Variants in CROCC observed in about 807,000 individuals in gnomAD.
CROCC encodes the protein ciliary rootlet coiled-coil, rootletin, also known as rootletin.
A neutral mutation model predicts 245.2 loss-of-function variants in CROCC; 180 were observed. The observed-to-expected ratio is 0.73, with a 90% confidence interval of 0.65 to 0.83. The LOEUF is 0.83. CROCC is among the 40% of genes least tolerant of loss of function. The pLI is 0.00. For missense variants in CROCC, 2,688 were observed against 2,779.4 expected (o/e 0.97, Z 0.74); for synonymous variants, 1,205 against 1,241.6 (o/e 0.97, Z 0.62).
chr1:16,966,879 G>T lies in CROCC; in HGVS notation c.4860+308G>T, dbSNP rs553537713. 6.6e-6 allele frequency among the ~76,000 whole-genome samples: 1 copy of T among 152,174 alleles called. No individual in the cohort carries two copies. Among genetic ancestry groups the T allele is most frequent in the Admixed American group, 6.5e-5 (1 of 15,268 alleles). On this transcript the variant is annotated intron_variant, in intron 30 of 36. Coordinates refer to ENST00000375541, the MANE Select transcript of CROCC (RefSeq NM_014675.5). The surrounding 1 kb of genome is among the most constrained non-coding windows in gnomAD (Gnocchi z 4.8). Reference sequence around the variant, plus strand: ...GTTTGAGACCAGCCTGGGCAACATGGTGAAACCCCGTCTCTATGAAAAATA... The same window carrying T: ...GTTTGAGACCAGCCTGGGCAACATGTTGAAACCCCGTCTCTATGAAAAATA...
intron 19 of CROCC, among the ~76,000 whole-genome samples, chr1:16,950,065 A>G (rs2076133323): frequency 1.4e-5 from 2 of 141,732 alleles, no homozygotes; most frequent in East Asian, 2.2e-4. Flanking sequence ...CATCACGCCC[A>G]GCCTGTTTGT....
In CROCC at chr1:16,966,166, C is replaced by T; in HGVS notation, c.4696+47C>T. 1.3e-6 allele frequency: 2 copies of T among 1,571,588 alleles called. No homozygotes were observed. Among genetic ancestry groups the T allele is most frequent in the Non-Finnish European group, 1.7e-6 (2 of 1,153,174 alleles). On this transcript the variant is annotated intron_variant, in intron 29 of 36. Transcript: ENST00000375541. This position sits in a 1 kb window ranked among gnomAD's most constrained non-coding sequence, Gnocchi z 4.8. The stretch of plus-strand genomic sequence containing the variant: ...CCTGTTCTCTCTCCTGTGTTTTGGG[C>T]AGTTGAGGCAGGAGCCGGGGGATTG...
At chr1:16,971,742 C>A in intron 36 of CROCC, 95 bp downstream of exon 36, 1 of 1,227,340 alleles carries the variant, frequency 8.1e-7, no homozygotes, top group Non-Finnish European at 1.1e-6. Context: ...TATAGGCAGT[C>A]GATGGCTCCC....
rs1409830797 is a variant in CROCC, at chr1:16,948,892, G to C, written c.2802G>C (p.Gly934=). 5 of 1,611,408 alleles carry C rather than the reference G, an allele frequency of 3.1e-6. No individual in the cohort carries two copies. In the African/African-American group the frequency reaches 6.7e-5, roughly 22 times the overall value. ...GCCGGGAGCAGCTGGAAGCCGAGGG[G>C]CAGGCCCTGCTGCTGGCCAAGGAGA... The part of the protein sequence containing the change: ...EARREQLEAE[G]QALLLAKETL... The change falls in exon 19 of 37, where the codon GGG becomes GGC. Residue 934 remains glycine (G), a synonymous_variant. Coordinates refer to ENST00000375541, the MANE Select transcript of CROCC (RefSeq NM_014675.5).
intron 30 of CROCC, among the ~76,000 whole-genome samples, chr1:16,967,396 CG>C (rs1557642899): frequency 6.6e-6 from 1 of 152,196 alleles, no homozygotes; most frequent in Non-Finnish European, 1.5e-5. Flanking sequence ...CCACCACCCC[CG>C]CCCCCAAGGC....
At chr1:16,940,202 C>A in intron 13 of CROCC, 109 bp downstream of exon 13, 2 of 1,145,798 alleles carry the variant, frequency 1.7e-6, no homozygotes, top group Non-Finnish European at 2.5e-6. Context: ...TCGCCACTAG[C>A]TGCATGTGCC....
At chr1:16,926,149 C>T (rs183581941) in intron 3 of CROCC, among the ~76,000 whole-genome samples, 32 of 152,346 alleles carry the variant, frequency 2.1e-4, no homozygotes, top group African/African-American at 5.8e-4. Flanking sequence ...CCAAATGGCA[C>T]GCAGAGGGCG....
At chr1:16,926,896 C>T (rs552335551) in intron 3 of CROCC, among the ~76,000 whole-genome samples, 1 of 152,278 alleles carries the variant, frequency 6.6e-6, no homozygotes, top group Non-Finnish European at 1.5e-5. Flanking sequence ...TTTTGAATTG[C>T]AAGTAAAATT....
In CROCC at chr1:16,965,926, C is replaced by G. The variant is rs543668647; in HGVS notation, c.4575+34C>G. On this transcript the variant is annotated intron_variant, in intron 28 of 36. Coordinates refer to ENST00000375541, the MANE Select transcript of CROCC (RefSeq NM_014675.5). ...GGGTGTGCATGGCTGGATGGGGAAC[C>G]TGGAGGGCCCTGGGGAGGTTGCAGG... The G allele has an allele frequency of 1.9e-5, 30 of 1,605,306 alleles. No homozygotes were observed. In the African/African-American group the frequency reaches 3.3e-4, roughly 18 times the overall value.
At chr1:16,948,304 G>A in intron 17 of CROCC, 27 bp from the exon 18 acceptor site, 2 of 1,534,122 alleles carry the variant, frequency 1.3e-6, no homozygotes. Context: ...CGCTGGGAGT[G>A]CTACTCAGTC....
At chr1:16,950,815 T>A (rs1359573832) in intron 19 of CROCC, 138 bp from the exon 20 acceptor site, 1 of 671,096 alleles carries the variant, frequency 1.5e-6, no homozygotes, top group African/African-American at 1.9e-5. Flanking sequence ...GCAAGCCACT[T>A]CAAGAGGACC....
chr1:16,943,989 G>C, intron 13 of CROCC, 111 bp from the exon 14 acceptor site: 1 of 1,162,378 alleles, frequency 8.6e-7, no homozygotes, highest in Non-Finnish European at 1.2e-6. Context: ...CTGGAGGCAG[G>C]TGCCTTGGAA....
intron 3 of CROCC, among the ~76,000 whole-genome samples, chr1:16,928,079 G>A (rs1460666987): frequency 3.3e-5 from 5 of 152,294 alleles, no homozygotes; most frequent in South Asian, 4.1e-4. Flanking sequence ...CGAGATGAGC[G>A]TGGGTGAGAG....
intron 36 of CROCC, among the ~76,000 whole-genome samples, chr1:16,971,884 C>T (rs998907232): frequency 6.6e-6 from 1 of 152,202 alleles, no homozygotes; most frequent in Non-Finnish European, 1.5e-5. Context: ...GGGTAGCCTT[C>T]TCCCTGGGTG....
intron 17 of CROCC, among the ~76,000 whole-genome samples, chr1:16,947,555 G>A (rs1257910337): frequency 1.3e-5 from 2 of 152,166 alleles, no homozygotes; most frequent in African/African-American, 4.8e-5. Context: ...TTAGACTTTT[G>A]GGAACATCAC....
chr1:16,960,727 T>C, intron 26 of CROCC, 31 bp from the exon 27 acceptor site: 2 of 1,474,452 alleles, frequency 1.4e-6, no homozygotes, highest in Non-Finnish European at 1.8e-6. Context: ...GGAGAGGTCT[T>C]GCCGACCTCC....
At chr1:16,946,441 C>A in intron 16 of CROCC, 36 bp downstream of exon 16, 2 of 1,599,330 alleles carry the variant, frequency 1.3e-6, no homozygotes, top group Non-Finnish European at 1.7e-6. Context: ...CTGCCTTGCC[C>A]ACCCATCCTC....
chr1:16,957,909 T>A (rs2076272292), intron 25 of CROCC, among the ~76,000 whole-genome samples: 1 of 152,320 alleles, frequency 6.6e-6, no homozygotes, highest in East Asian at 1.9e-4. Context: ...GGAGCTGGCA[T>A]TTGCGTGCCA....
Position 16,942,915 on chromosome 1 carries a change from G to A in CROCC, c.1809-1185G>A, listed in dbSNP as rs543246280. Among the ~76,000 whole-genome samples, 16 of 152,366 alleles carry A rather than the reference G, an allele frequency of 1.1e-4. No homozygotes were observed. The East Asian group carries it at 2.7e-3, about 26-fold the overall frequency. Reference sequence around the variant, plus strand: ...GAGGTCAGGAGTTTGAGACCAGCCTGGCCAACATGGCGAAACCCCATCTCT... The same window carrying A: ...GAGGTCAGGAGTTTGAGACCAGCCTAGCCAACATGGCGAAACCCCATCTCT... On this transcript the variant is annotated intron_variant, in intron 13 of 36. Transcript: ENST00000375541.
Sources: allele counts gnomAD v4.1 joint callset (sites outside exome capture counted in the v4.1 genomes callset), GRCh38; gene constraint gnomAD v4.1.1; non-coding constraint Gnocchi (gnomAD v3.1); transcripts MANE v1.5; gene names NCBI Gene and HGNC (gene_info 2026-07-23, HGNC 2026-07-21).